The following SCGN variants were observed in gnomAD, a reference collection of about 807,000 sequenced individuals.
The protein encoded by SCGN is secretagogin.
In SCGN, 30 loss-of-function variants were observed where a neutral mutation model predicts 39.7. That is an observed-to-expected ratio of 0.76 (90% CI 0.57 to 1.03). The LOEUF is 1.03. Among genes scored for constraint, SCGN ranks in the 50% least tolerant of loss-of-function variants. The pLI, the probability that SCGN is intolerant of heterozygous loss-of-function variation, is 0.00. For synonymous variants in SCGN, 106 were observed against 114.1 expected (o/e 0.93, Z 0.45); for missense variants, 353 against 349.4 (o/e 1.01, Z -0.08).
chr6:25,664,952 A>G lies in SCGN; in HGVS notation c.256A>G (p.Met86Val), dbSNP rs190462090. The change falls in exon 4 of 11, where the codon ATG (methionine) becomes GTG (valine). Residue 86 changes from methionine (M) to valine (V), a missense_variant. By Grantham distance (21) the Met-to-Val change is conservative. Transcript: ENST00000377961. ...GRIRMKELAG[M>V]FLSEDENFLL... is the part of the protein sequence containing the mutation. ...CTTTCTGTTCCTTCAGCTTGCTGGTATGTTCTTATCTGAGGATGAAAACTT... is the reference window on the plus strand; with the variant it reads ...CTTTCTGTTCCTTCAGCTTGCTGGTGTGTTCTTATCTGAGGATGAAAACTT... 1.1e-5 allele frequency: 17 copies of G among 1,613,470 alleles called. No homozygotes were observed. The highest frequency in any genetic ancestry group is 1.4e-5 in the Non-Finnish European group (17 of 1,179,488).
chr6:25,689,621 T>C, intron 9 of SCGN, 89 bp downstream of exon 9: 1 of 1,036,496 alleles, frequency 9.6e-7, no homozygotes, highest in Admixed American at 1.8e-5. Flanking sequence ...CAACAGACCC[T>C]AAACTTACAT....
rs377708600 is a variant in SCGN, at chr6:25,676,301, C to T, written c.472-5650C>T. 7.6e-4 allele frequency among the ~76,000 whole-genome samples: 116 copies of T among 152,324 alleles called. 5 individuals carry two copies. In the South Asian group the frequency reaches 0.01, roughly 14 times the overall value. ...CAGCAGCCAGAGTGATCCTGTTATA[C>T]TGAGTCGGATTATATAATTTTTCAT... is the stretch of plus-strand genomic sequence containing the variant. On this transcript the variant is annotated intron_variant, in intron 6 of 10. Coordinates refer to ENST00000377961, the MANE Select transcript of SCGN (RefSeq NM_006998.4).
At chr6:25,669,687 A>G in intron 5 of SCGN, 120 bp downstream of exon 5, 1 of 816,124 alleles carries the variant, frequency 1.2e-6, no homozygotes, top group Non-Finnish European at 2.1e-6. Flanking sequence ...CTCAAAAAAT[A>G]CATACATATG....
intron 2 of SCGN, among the ~76,000 whole-genome samples, chr6:25,656,249 C>G (rs1008441527): frequency 6.6e-6 from 1 of 152,206 alleles, no homozygotes; most frequent in Non-Finnish European, 1.5e-5. Context: ...GAGGCCTCCA[C>G]AATCAGGCAG....
intron 4 of SCGN, among the ~76,000 whole-genome samples, chr6:25,668,130 G>T (rs564168872): frequency 2.1e-3 from 321 of 152,100 alleles, no homozygotes; most frequent in African/African-American, 7.4e-3. Flanking sequence ...AGCTCAGGAC[G>T]CTGATTGTGG....
rs769534983 is a variant in SCGN at position 25,691,020 on chromosome 6, A to G, written c.634-36A>G. On this transcript the variant is annotated intron_variant, in intron 9 of 10. Transcript: ENST00000377961. Reference sequence around the variant, plus strand: ...ATTGCCTTGCTTTTTGGCTTAAGAAACTGATATTTGGGCAATTGGATCTTT... The same window carrying G: ...ATTGCCTTGCTTTTTGGCTTAAGAAGCTGATATTTGGGCAATTGGATCTTT... 1.9e-6 allele frequency: 3 copies of G among 1,572,510 alleles called. No homozygotes were observed. The South Asian group carries it at 3.4e-5, about 18-fold the overall frequency.
chr6:25,693,872 A>G (rs1759805545), intron 10 of SCGN, among the ~76,000 whole-genome samples: 1 of 152,218 alleles, frequency 6.6e-6, no homozygotes, highest in Non-Finnish European at 1.5e-5. Context: ...CTCCCTGCCA[A>G]TGAGACCTTG....
At chr6:25,659,785 T>C (rs939080973) in intron 2 of SCGN, among the ~76,000 whole-genome samples, 6 of 149,472 alleles carry the variant, frequency 4.0e-5, no homozygotes, top group Non-Finnish European at 7.4e-5. Flanking sequence ...CAACATGTTG[T>C]GCCAGGCTAA....
At chr6:25,689,277 G>C in intron 8 of SCGN, 60 bp downstream of exon 8, 2 of 1,345,998 alleles carry the variant, frequency 1.5e-6, no homozygotes, top group South Asian at 2.5e-5. Flanking sequence ...ACGGATTTGA[G>C]CAGGAAAGAA....
intron 7 of SCGN, 29 bp from the exon 8 acceptor site, chr6:25,689,143 T>C (rs774511652): frequency 6.8e-7 from 1 of 1,462,384 alleles, no homozygotes; most frequent in Admixed American, 2.0e-5. Flanking sequence ...GAACGATCCT[T>C]ACGTGGATTT....
intron 9 of SCGN, 21 bp downstream of exon 9, chr6:25,689,553 T>C: frequency 6.2e-7 from 1 of 1,606,414 alleles, no homozygotes; most frequent in Non-Finnish European, 8.5e-7. Context: ...GTCTTTATAC[T>C]GTGCTGGCCA....
chr6:25,673,732 A>G (rs1023477943), intron 6 of SCGN, among the ~76,000 whole-genome samples: 14 of 152,090 alleles, frequency 9.2e-5, no homozygotes, highest in African/African-American at 2.7e-4. Flanking sequence ...TCCCATGGAG[A>G]CAGGTCCATA....
chr6:25,664,523 A>C (rs1012415035), intron 3 of SCGN, among the ~76,000 whole-genome samples: 1 of 152,214 alleles, frequency 6.6e-6, no homozygotes, highest in Non-Finnish European at 1.5e-5. Context: ...ATTAGCATAC[A>C]CAAGCATTTA....
chr6:25,689,963 A>AT (rs1759755225), intron 9 of SCGN, among the ~76,000 whole-genome samples: 3 of 152,242 alleles, frequency 2.0e-5, no homozygotes, highest in African/African-American at 7.2e-5. Flanking sequence ...TATAAAAATT[A>AT]TAAGTACAAA....
intron 10 of SCGN, among the ~76,000 whole-genome samples, chr6:25,699,012 C>T (rs1420132930): frequency 6.6e-6 from 1 of 151,876 alleles, no homozygotes; most frequent in South Asian, 2.1e-4. Flanking sequence ...ATTTTTTTTT[C>T]TTCCCCTACT....
intron 6 of SCGN, among the ~76,000 whole-genome samples, chr6:25,673,002 T>C (rs1207830319): frequency 6.6e-6 from 1 of 152,212 alleles, no homozygotes; most frequent in East Asian, 1.9e-4. Context: ...GGAGAGCGTC[T>C]CACCTTCTTG....
intron 7 of SCGN, among the ~76,000 whole-genome samples, chr6:25,684,763 T>C (rs564493227): frequency 4.3e-4 from 66 of 152,222 alleles, no homozygotes; most frequent in African/African-American, 1.2e-3. Flanking sequence ...TGAGCCAAGA[T>C]TGCGTCACAG....
chr6:25,659,427 G>T (rs575027126), intron 2 of SCGN, among the ~76,000 whole-genome samples: 1 of 152,124 alleles, frequency 6.6e-6, no homozygotes, highest in Non-Finnish European at 1.5e-5. Flanking sequence ...CAAATATGCT[G>T]GTTTCAAGAT....
chr6:25,656,113 C>T (rs1253129798), intron 2 of SCGN, among the ~76,000 whole-genome samples: 1 of 152,186 alleles, frequency 6.6e-6, no homozygotes, highest in African/African-American at 2.4e-5. Flanking sequence ...AGGCCTTAAG[C>T]AAGTTCTTAA....
Sources: gnomAD v4.1 joint callset for allele counts (sites outside exome capture counted in the v4.1 genomes callset) on GRCh38, gnomAD v4.1.1 for gene constraint, MANE v1.5 for transcripts, NCBI Gene and HGNC (gene_info 2026-07-23, HGNC 2026-07-21) for gene names.